LARGE1: variants seen among roughly 807,000 people sequenced by gnomAD.
LARGE1 encodes the protein LARGE xylosyl- and glucuronyltransferase 1.
In LARGE1, 43 loss-of-function variants were observed where a neutral mutation model predicts 87.6. That is an observed-to-expected ratio of 0.49 (90% confidence interval 0.38 to 0.63). The LOEUF (loss-of-function observed/expected upper bound fraction) is 0.63. Among genes scored for constraint, LARGE1 ranks in the 30% least tolerant of loss-of-function variants. LARGE1 has a pLI of 0.00. For missense variants in LARGE1, 802 were observed against 1,000.2 expected (o/e 0.80, Z 2.67); for synonymous variants, 434 against 394.6 (o/e 1.10, Z -1.18).
Position 33,433,260 on chromosome 22 carries a change from A to T in LARGE1, c.788-995T>A, listed in dbSNP as rs140414947. 2.7e-3 allele frequency among the ~76,000 whole-genome samples: 406 copies of T among 152,294 alleles called. 1 individual carries two copies. Among genetic ancestry groups the T allele is most frequent in the African/African-American group, 8.7e-3 (363 of 41,578 alleles). ...TGCACTATTGCTTATCCTTACAAAA[A>T]CAAATATTTTAGGCAGGAATTATCA... On this transcript the variant is annotated intron_variant, in intron 6 of 14. Transcript: ENST00000397394.
intron 9 of LARGE1, among the ~76,000 whole-genome samples, chr22:33,341,292 C>T (rs1028355287): frequency 4.6e-5 from 7 of 152,004 alleles, no homozygotes; most frequent in African/African-American, 1.2e-4. Context: ...AATCTGCCAG[C>T]GCCCTAACCT....
chr22:33,431,013 GC>G (rs1281347399), intron 7 of LARGE1, among the ~76,000 whole-genome samples: 12 of 152,220 alleles, frequency 7.9e-5, no homozygotes, highest in Non-Finnish European at 1.8e-4. Flanking sequence ...GGTCTCAGAT[GC>G]CAAGTTCCAG....
intron 1 of LARGE1, among the ~76,000 whole-genome samples, chr22:33,878,499 A>G (rs1440164396): frequency 1.3e-5 from 2 of 152,178 alleles, no homozygotes; most frequent in Non-Finnish European, 2.9e-5. Context: ...AACGAAGGCA[A>G]TTCCTTTCTC....
intron 6 of LARGE1, among the ~76,000 whole-genome samples, chr22:33,542,973 T>G (rs916139342): frequency 6.6e-6 from 1 of 152,194 alleles, no homozygotes; most frequent in African/African-American, 2.4e-5. Flanking sequence ...CAAAAGGCAC[T>G]GAGCTAACTC....
intron 2 of LARGE1, among the ~76,000 whole-genome samples, chr22:33,738,708 A>G (rs988713925): frequency 2.4e-4 from 36 of 152,072 alleles, no homozygotes; most frequent in African/African-American, 8.7e-4. Flanking sequence ...AGCCAGGTGC[A>G]GTGGCAGGAG....
intron 11 of LARGE1, among the ~76,000 whole-genome samples, chr22:33,198,333 A>G (rs887085098): frequency 7.2e-5 from 11 of 152,086 alleles, no homozygotes; most frequent in Admixed American, 3.3e-4. Flanking sequence ...AAATGTATAT[A>G]TATCTGAGAC....
chr22:33,278,251 G>A (rs1929715903), intron 13 of LARGE1, among the ~76,000 whole-genome samples: 1 of 152,104 alleles, frequency 6.6e-6, no homozygotes, highest in African/African-American at 2.4e-5. Context: ...GGGACCTTAG[G>A]CCTAGGAACG....
chr22:33,706,073 G>C (rs1229411164), intron 2 of LARGE1, among the ~76,000 whole-genome samples: 1 of 152,172 alleles, frequency 6.6e-6, no homozygotes, highest in African/African-American at 2.4e-5. Flanking sequence ...TGCCCCGGTG[G>C]GCGACAAGAA....
intron 2 of LARGE1, among the ~76,000 whole-genome samples, chr22:33,758,026 G>A (rs2084584734): frequency 6.6e-6 from 1 of 152,116 alleles, no homozygotes. Flanking sequence ...CTGGACTTGT[G>A]TTTCTGCATC....
chr22:33,545,864 G>C (rs150968687), intron 6 of LARGE1, among the ~76,000 whole-genome samples: 8 of 152,168 alleles, frequency 5.3e-5, no homozygotes, highest in Non-Finnish European at 7.3e-5. Context: ...GATTACAGGC[G>C]TGAGCCATGG....
chr22:33,222,028 C>T (rs187242447), intron 11 of LARGE1, among the ~76,000 whole-genome samples: 39 of 152,298 alleles, frequency 2.6e-4, no homozygotes, highest in African/African-American at 9.4e-4. Context: ...TTCTCCCTCC[C>T]TCTCTTTTCC....
At chr22:33,815,853 GGA>G (rs986293057) in intron 1 of LARGE1, among the ~76,000 whole-genome samples, 16 of 152,130 alleles carry the variant, frequency 1.1e-4, no homozygotes, top group Non-Finnish European at 2.2e-4. Flanking sequence ...GGGTTTGTGG[GGA>G]GAGTAAAATC....
intron 6 of LARGE1, among the ~76,000 whole-genome samples, chr22:33,481,060 T>A (rs2069299714): frequency 6.6e-6 from 1 of 152,018 alleles, no homozygotes; most frequent in Non-Finnish European, 1.5e-5. Context: ...TATAATTTCC[T>A]GGAAATGAAA....
chr22:33,103,358 G>T, the LARGE1 span, among the ~76,000 whole-genome samples: 1 of 144,982 alleles, frequency 6.9e-6, no homozygotes, highest in African/African-American at 2.5e-5. Context: ...GCATGAACCC[G>T]GTAGGCAGAG....
intron 2 of LARGE1, among the ~76,000 whole-genome samples, chr22:33,702,135 C>T (rs1443851018): frequency 5.9e-5 from 9 of 152,208 alleles, no homozygotes; most frequent in Admixed American, 5.9e-4. Flanking sequence ...CAATGCTTGG[C>T]ACATATTATG....
intron 13 of LARGE1, among the ~76,000 whole-genome samples, chr22:33,277,888 TG>T (rs1929654043): frequency 6.6e-6 from 1 of 152,216 alleles, no homozygotes; most frequent in Non-Finnish European, 1.5e-5. Flanking sequence ...AGGAATTGAC[TG>T]CAGGTGAGCT....
chr22:33,586,442 GAAC>G (rs900808928), intron 5 of LARGE1, among the ~76,000 whole-genome samples: 55 of 148,954 alleles, frequency 3.7e-4, no homozygotes, highest in African/African-American at 1.3e-3. Context: ...CAAACAGGGA[GAAC>G]AACAAGATTT....
Position 33,741,709 on chromosome 22 carries a change from T to C in LARGE1, c.106+19662A>G, listed in dbSNP as rs180714336. 4.6e-5 allele frequency among the ~76,000 whole-genome samples: 7 copies of C among 152,284 alleles called. No individual in the cohort carries two copies. The East Asian group carries it at 1.2e-3, about 25-fold the overall frequency. On this transcript the variant is annotated intron_variant, in intron 2 of 14. Coordinates refer to ENST00000397394, the MANE Select transcript of LARGE1 (RefSeq NM_133642.5). ...GAGGTGAGGACCCCGTGAAAGCGAC[T>C]GCACAGAAACAGAGACACTGAGAAA...
At chr22:33,067,855 C>T in the LARGE1 span, among the ~76,000 whole-genome samples, 6 of 152,042 alleles carry the variant, frequency 3.9e-5, no homozygotes, top group Admixed American at 6.6e-5. Flanking sequence ...TGGCGGGCAC[C>T]TGTGATCCCA....
Sources: allele counts gnomAD v4.1 joint callset (sites outside exome capture counted in the v4.1 genomes callset), GRCh38; gene constraint gnomAD v4.1.1; transcripts MANE v1.5; gene names NCBI Gene and HGNC (gene_info 2026-07-23, HGNC 2026-07-21).